DNAJC15: variants seen among roughly 807,000 people sequenced by gnomAD.
The protein encoded by DNAJC15 is DnaJ heat shock protein family (Hsp40) member C15.
A neutral mutation model predicts 22.4 loss-of-function variants in DNAJC15; 27 were observed. The ratio of observed to expected loss-of-function variants is 1.20; its 90% CI spans 0.89 to 1.66. The LOEUF (loss-of-function observed/expected upper bound fraction) is 1.66. DNAJC15 is among the 40% of genes most tolerant of loss of function. The probability of loss-of-function intolerance (pLI) is 0.00; values close to 1 mark genes in which losing one functional copy is unlikely to be tolerated. For synonymous variants in DNAJC15, 79 were observed against 63.2 expected, an observed-to-expected ratio of 1.25 and a Z score of -1.19; for missense variants, 208 against 187.1, an observed-to-expected ratio of 1.11 and a Z score of -0.65.
At chr13:43,095,053 G>A (rs2040733279) in intron 5 of DNAJC15, among the ~76,000 whole-genome samples, 1 of 151,928 alleles carries the variant, frequency 6.6e-6, no homozygotes, top group African/African-American at 2.4e-5. Context: ...TTTTTTAGTT[G>A]CTTTTAGTGT....
intron 1 of DNAJC15, among the ~76,000 whole-genome samples, chr13:43,044,126 C>T (rs1377763637): frequency 6.6e-6 from 1 of 152,044 alleles, no homozygotes; most frequent in Non-Finnish European, 1.5e-5. Context: ...TTCTTGTTTC[C>T]TCTCTTTTTT....
In DNAJC15 at chr13:43,107,164, C is replaced by A; in HGVS notation, c.383-14C>A. 1 of 1,543,452 alleles carries A rather than the reference C, an allele frequency of 6.5e-7. No homozygotes were observed. Among genetic ancestry groups the A allele is most frequent in the Non-Finnish European group, 8.7e-7 (1 of 1,151,864 alleles). On this transcript the variant is annotated splice_polypyrimidine_tract_variant and intron_variant, in intron 5 of 5. Coordinates refer to ENST00000379221, the MANE Select transcript of DNAJC15 (RefSeq NM_013238.3). ...ATGAAATGTATTTTAATTCATTTTT[C>A]TTTGTTCTCTCAGGTGGATCTCCTT...
chr13:43,094,519 C>T (rs1238487154), intron 5 of DNAJC15, among the ~76,000 whole-genome samples: 1 of 152,178 alleles, frequency 6.6e-6, no homozygotes, highest in East Asian at 1.9e-4. Context: ...TCAGTGGGGT[C>T]CCTATGCGTG....
At chr13:43,025,879 G>A (rs1290035278) in intron 1 of DNAJC15, among the ~76,000 whole-genome samples, 1 of 152,178 alleles carries the variant, frequency 6.6e-6, no homozygotes, top group Non-Finnish European at 1.5e-5. Flanking sequence ...ACTCCAGCCT[G>A]GGCGACAGAG....
At chr13:43,069,130 A>C in intron 3 of DNAJC15, 127 bp downstream of exon 3, 1 of 838,240 alleles carries the variant, frequency 1.2e-6, no homozygotes, top group Non-Finnish European at 1.8e-6. Context: ...TCACTATATC[A>C]TTGGTGAGTT....
intron 3 of DNAJC15, among the ~76,000 whole-genome samples, chr13:43,075,210 T>C (rs2153441213): frequency 6.6e-6 from 1 of 152,318 alleles, no homozygotes. Context: ...CAGATTGACT[T>C]ACTCGTAATA....
At position 43,023,857 on chromosome 13, in the gene DNAJC15, G is replaced by A. The variant is rs931983774; in HGVS notation, c.108+123G>A. 1.3e-5 allele frequency: 12 copies of A among 936,612 alleles called. No homozygotes were observed. In the African/African-American group the frequency reaches 2.0e-4, roughly 16 times the overall value. The allele number at this position is 936,612 out of a possible 1,614,324, so 58.0% of individuals were successfully genotyped here. ...GCATTCGCTCACGGTCTGTGCCCTAGCGCTCACTTGTTCAGTGGAGAGACC... is the reference window on the plus strand; with the variant it reads ...GCATTCGCTCACGGTCTGTGCCCTAACGCTCACTTGTTCAGTGGAGAGACC... On this transcript the variant is annotated intron_variant, in intron 1 of 5. Coordinates refer to ENST00000379221, the MANE Select transcript of DNAJC15 (RefSeq NM_013238.3).
intron 5 of DNAJC15, among the ~76,000 whole-genome samples, chr13:43,095,383 G>A (rs556253768): frequency 2.0e-5 from 3 of 152,286 alleles, no homozygotes; most frequent in Admixed American, 1.3e-4. Context: ...ACAGGTGATT[G>A]TAAACAGGTT....
rs1301640314 is a variant in DNAJC15, at chr13:43,109,974, C to T, written c.*2726C>T. 6.6e-6 allele frequency: 1 copy of T among 152,142 alleles called. No homozygotes were observed. The highest frequency in any genetic ancestry group is 1.5e-5 in the Non-Finnish European group (1 of 68,042). 9.4% of individuals were successfully genotyped at this position (152,142 alleles called of 1,614,324 possible). On this transcript the variant is annotated 3_prime_UTR_variant, in exon 6 of 6. Coordinates refer to ENST00000379221, the MANE Select transcript of DNAJC15 (RefSeq NM_013238.3). ...ATGTAATTTTTACTTCTTTCACTGC[C>T]TCATTTAATTAGTTTTATCTTTAAT...
At chr13:43,063,264 C>A (rs2040567876) in intron 1 of DNAJC15, among the ~76,000 whole-genome samples, 1 of 152,244 alleles carries the variant, frequency 6.6e-6, no homozygotes, top group African/African-American at 2.4e-5. Flanking sequence ...CCCGTCTTGG[C>A]CTCCCAAAGT....
At chr13:43,084,724 A>G (rs549023144) in intron 4 of DNAJC15, among the ~76,000 whole-genome samples, 5 of 152,344 alleles carry the variant, frequency 3.3e-5, no homozygotes, top group Admixed American at 3.3e-4. Flanking sequence ...CATTTCCAAT[A>G]CTGGATACAT....
At chr13:43,073,355 T>G (rs560448166) in intron 3 of DNAJC15, among the ~76,000 whole-genome samples, 15 of 152,322 alleles carry the variant, frequency 9.8e-5, no homozygotes, top group African/African-American at 3.6e-4. Context: ...GCATAGCTTC[T>G]CACCTCCCTA....
intron 5 of DNAJC15, among the ~76,000 whole-genome samples, chr13:43,095,705 T>C (rs1284711366): frequency 6.6e-6 from 1 of 152,034 alleles, no homozygotes; most frequent in African/African-American, 2.4e-5. Flanking sequence ...AATGATACCA[T>C]AGAAGCTAAG....
At chr13:43,046,390 C>T (rs144299692) in intron 1 of DNAJC15, among the ~76,000 whole-genome samples, 1,610 of 152,152 alleles carry the variant, frequency 0.011, 13 homozygotes, top group Non-Finnish European at 0.016. Context: ...AGAGACATCT[C>T]GGTGGTGGTG....
intron 1 of DNAJC15, among the ~76,000 whole-genome samples, chr13:43,034,028 CAAAAA>C (rs568856935): frequency 2.8e-5 from 3 of 108,666 alleles, no homozygotes; most frequent in African/African-American, 6.3e-5. Flanking sequence ...AACTTCATCT[CAAAAA>C]AAAAAAAAAA....
rs770923944 is a variant in DNAJC15 at position 43,085,822 on chromosome 13, G to C, written c.366G>C (p.Leu122Phe). Residue 122 changes from leucine (L) to phenylalanine (F), a missense_variant, in exon 5 of 6, where the codon TTG (leucine) becomes TTC (phenylalanine). By Grantham distance (22) the Leu-to-Phe change is conservative (BLOSUM62 0). Coordinates refer to ENST00000379221, the MANE Select transcript of DNAJC15 (RefSeq NM_013238.3). ...CAGCTCATAGGAGAGTCATGATTTT[G>C]AATCACCCAGATAAAGGTAGGTAGA... is the stretch of plus-strand genomic sequence containing the variant. ...IRTAHRRVMI[L>F]NHPDKGGSPY... 1 of 1,613,282 alleles carries C rather than the reference G, an allele frequency of 6.2e-7. No homozygotes were observed.
chr13:43,027,229 T>TA (rs768121992), intron 1 of DNAJC15, among the ~76,000 whole-genome samples: 5 of 152,238 alleles, frequency 3.3e-5, no homozygotes, highest in Non-Finnish European at 7.3e-5. Flanking sequence ...CTGTAACTCT[T>TA]ACTTTTATTT....
At chr13:43,092,988 A>G (rs1220413663) in intron 5 of DNAJC15, among the ~76,000 whole-genome samples, 1 of 152,252 alleles carries the variant, frequency 6.6e-6, no homozygotes, top group Non-Finnish European at 1.5e-5. Flanking sequence ...ACAGTCTGAA[A>G]TAAAATATTA....
At chr13:43,027,831 A>T (rs1242369871) in intron 1 of DNAJC15, among the ~76,000 whole-genome samples, 1 of 151,736 alleles carries the variant, frequency 6.6e-6, no homozygotes, top group Non-Finnish European at 1.5e-5. Flanking sequence ...TAATTTTTGT[A>T]TTTTCAGTAG....
Sources: gnomAD v4.1 joint callset for allele counts (sites outside exome capture counted in the v4.1 genomes callset) on GRCh38, gnomAD v4.1.1 for gene constraint, MANE v1.5 for transcripts, NCBI Gene and HGNC (gene_info 2026-07-23, HGNC 2026-07-21) for gene names.